The following STIM1 variants were observed in gnomAD, a reference collection of about 807,000 sequenced individuals.
STIM1 encodes the protein stromal interaction molecule 1.
In STIM1, 25 loss-of-function variants were observed where a neutral mutation model predicts 74.7. That is an observed-to-expected ratio of 0.33 (90% CI 0.24 to 0.47). The LOEUF is 0.47. STIM1 is among the 20% of genes least tolerant of loss of function. The probability of loss-of-function intolerance (pLI) is 1.00; values close to 1 mark genes in which losing one functional copy is unlikely to be tolerated. For synonymous variants in STIM1, 328 were observed against 348.8 expected (o/e 0.94, Z 0.66); for missense variants, 728 against 920.8 (o/e 0.79, Z 2.71).
At chr11:4,067,550 A>C (rs942541006) in intron 5 of STIM1, among the ~76,000 whole-genome samples, 2 of 152,262 alleles carry the variant, frequency 1.3e-5, no homozygotes, top group African/African-American at 4.8e-5. Flanking sequence ...TGCTGCGTGA[A>C]TATGAAAGCT....
intron 1 of STIM1, among the ~76,000 whole-genome samples, chr11:3,962,736 A>G (rs1022866931): frequency 5.3e-5 from 8 of 152,120 alleles, no homozygotes; most frequent in African/African-American, 1.9e-4. Context: ...CATCCTCACC[A>G]ACATCTGTTG....
At chr11:3,911,579 G>T (rs1028472345) in intron 1 of STIM1, among the ~76,000 whole-genome samples, 1 of 151,894 alleles carries the variant, frequency 6.6e-6, no homozygotes, top group Non-Finnish European at 1.5e-5. Context: ...TAGAGACGGG[G>T]TCTCCTTCTG....
rs2090340799 is a variant in STIM1, at chr11:3,855,804, C to G, written c.-467C>G. The G allele has an allele frequency of 5.0e-6, 1 of 198,270 alleles. No homozygotes were observed. The highest frequency in any genetic ancestry group is 1.1e-5 in the Non-Finnish European group (1 of 94,078). The allele number at this position is 198,270 out of a possible 1,614,324, so 12.3% of individuals were successfully genotyped here. A position where few individuals can be genotyped will look rare whatever the true frequency, so the allele number is the denominator to read the frequency against. ...CCCGGAGACGCCCGCGCCCTCAGGA[C>G]CCTGCGGGTCGCACGCCCTCCCCAG... On this transcript the variant is annotated 5_prime_UTR_variant, in exon 1 of 13. Transcript: ENST00000526596.
At chr11:4,041,481 A>AT (rs1456497652) in intron 3 of STIM1, among the ~76,000 whole-genome samples, 1 of 151,968 alleles carries the variant, frequency 6.6e-6, no homozygotes, top group East Asian at 1.9e-4. Flanking sequence ...GAAAACTCTG[A>AT]TTTTCATCAT....
At chr11:3,991,677 G>A (rs940168270) in intron 2 of STIM1, among the ~76,000 whole-genome samples, 5 of 151,066 alleles carry the variant, frequency 3.3e-5, no homozygotes, top group African/African-American at 7.3e-5. Context: ...GGCCGGGCGC[G>A]GTGGCTCACG....
chr11:4,007,991 C>A (rs557428887), intron 2 of STIM1, among the ~76,000 whole-genome samples: 2 of 151,830 alleles, frequency 1.3e-5, no homozygotes, highest in Admixed American at 1.3e-4. Flanking sequence ...TTAAGATACC[C>A]CAAATTGTAT....
At chr11:3,901,804 G>C (rs997708159) in intron 1 of STIM1, among the ~76,000 whole-genome samples, 6 of 152,200 alleles carry the variant, frequency 3.9e-5, no homozygotes, top group Admixed American at 2.0e-4. Flanking sequence ...TGCCCAGGCT[G>C]GAGTACACTC....
At position 4,047,904 on chromosome 11, in the gene STIM1, C is replaced by T. The variant is rs534384391; in HGVS notation, c.386-7622C>T. The stretch of plus-strand genomic sequence containing the variant: ...CGTGATCTCAGCTCACTGCAACCTC[C>T]GCCTCCCAGGTTCGAGTGATTCTTC... On this transcript the variant is annotated intron_variant, in intron 3 of 12. Coordinates refer to ENST00000526596, the MANE Select transcript of STIM1 (RefSeq NM_001382567.1). 7.2e-5 allele frequency among the ~76,000 whole-genome samples: 11 copies of T among 151,804 alleles called. No homozygotes were observed. The East Asian group carries it at 1.4e-3, about 19-fold the overall frequency.
At chr11:3,881,085 G>T (rs1281644466) in intron 1 of STIM1, among the ~76,000 whole-genome samples, 1 of 139,490 alleles carries the variant, frequency 7.2e-6, no homozygotes, top group Non-Finnish European at 1.5e-5. Context: ...GACGTAGGCC[G>T]TTTATTAAAA....
intron 1 of STIM1, among the ~76,000 whole-genome samples, chr11:3,943,260 G>A (rs1439622557): frequency 6.6e-6 from 1 of 152,188 alleles, no homozygotes; most frequent in Admixed American, 6.5e-5. Flanking sequence ...TCCTGTGATT[G>A]TAGATATTTC....
intron 3 of STIM1, among the ~76,000 whole-genome samples, chr11:4,037,087 G>C (rs1260069526): frequency 6.8e-6 from 1 of 147,890 alleles, no homozygotes. Context: ...ATGGAGTCTC[G>C]CTCTGTTGCC....
chr11:4,083,105 C>A lies in STIM1; in HGVS notation c.1238+123C>A. 3 of 1,175,928 alleles carry A rather than the reference C, an allele frequency of 2.6e-6. No homozygotes were observed. In the South Asian group the frequency reaches 3.8e-5, roughly 15 times the overall value. The allele number at this position is 1,175,928 out of a possible 1,614,324, so 72.8% of individuals were successfully genotyped here. A position where few individuals can be genotyped will look rare whatever the true frequency, so the allele number is the denominator to read the frequency against. ...TGGAGGGACAGCTCTGGTCTCCTGC[C>A]TCAGCCTTTATTTATCTCCTGCCTT... On this transcript the variant is annotated intron_variant, in intron 9 of 12. Coordinates refer to ENST00000526596, the MANE Select transcript of STIM1 (RefSeq NM_001382567.1).
rs1353009850 is a variant in STIM1 at position 4,091,308 on chromosome 11, C to G, written c.1661C>G (p.Ser554Cys). 2 of 1,614,212 alleles carry G rather than the reference C, an allele frequency of 1.2e-6. No individual in the cohort carries two copies. Among genetic ancestry groups the G allele is most frequent in the East Asian group, 4.5e-5 (2 of 44,888 alleles). ...GATTTGACCCATTCCGATTCGGAGT[C>G]CTCCCTCCACATGAGTGACCGCCAG... ...QRDLTHSDSE[S>C]SLHMSDRQRV... The change falls in exon 13 of 13, where the codon TCC (serine) becomes TGC (cysteine). Residue 554 changes from serine to cysteine, a missense_variant. Ser to Cys is a moderately radical substitution (Grantham distance 112, BLOSUM62 -1). Transcript: ENST00000526596.
At chr11:3,923,832 G>C (rs796779688) in intron 1 of STIM1, among the ~76,000 whole-genome samples, 4 of 152,068 alleles carry the variant, frequency 2.6e-5, no homozygotes, top group African/African-American at 9.7e-5. Flanking sequence ...GCTGTCCTTG[G>C]TATTTCTATG....
At chr11:4,079,046 C>T (rs1414899868) in intron 7 of STIM1, among the ~76,000 whole-genome samples, 1 of 152,124 alleles carries the variant, frequency 6.6e-6, no homozygotes, top group Non-Finnish European at 1.5e-5. Context: ...AATCCCAGCA[C>T]TTTGGGAGGC....
chr11:4,059,516 A>G, intron 5 of STIM1, 120 bp downstream of exon 5: 3 of 753,782 alleles, frequency 4.0e-6, no homozygotes, highest in Non-Finnish European at 7.0e-6. Context: ...CACCTATACT[A>G]TTTCCACTGG....
chr11:3,911,306 G>A (rs2092558605), intron 1 of STIM1, among the ~76,000 whole-genome samples: 1 of 152,096 alleles, frequency 6.6e-6, no homozygotes. Flanking sequence ...GGTGTTCCTG[G>A]CATTCTATGA....
At position 4,091,294 on chromosome 11, in the gene STIM1, T is replaced by TC; in HGVS notation, c.1647_1648insC (p.Ser550LeufsTer11). 1 of 1,614,194 alleles carries TC rather than the reference T, an allele frequency of 6.2e-7. No homozygotes were observed. ...CCATGTCTTGCAGGGATTTGACCCA[T>TC]TCCGATTCGGAGTCCTCCCTCCACA... On this transcript the variant is annotated frameshift_variant, in exon 13 of 13. Transcript: ENST00000526596. LOFTEE classifies it high-confidence loss of function.
At chr11:4,039,780 T>A (rs1285127576) in intron 3 of STIM1, among the ~76,000 whole-genome samples, 2 of 152,010 alleles carry the variant, frequency 1.3e-5, no homozygotes, top group Non-Finnish European at 2.9e-5. Flanking sequence ...TATTATATTG[T>A]ACTTTTTGAT....
Sources: allele counts gnomAD v4.1 joint callset (sites outside exome capture counted in the v4.1 genomes callset), GRCh38; gene constraint gnomAD v4.1.1; transcripts MANE v1.5; gene names NCBI Gene and HGNC (gene_info 2026-07-23, HGNC 2026-07-21).